Variants in LOXL2 observed in about 807,000 individuals in gnomAD.
LOXL2 encodes lysyl oxidase like 2, also known as lysyl oxidase homolog 2.
Under a neutral mutation model 93.0 loss-of-function variants are expected in LOXL2, and 70 were observed. That is an observed-to-expected ratio of 0.75 (90% CI 0.62 to 0.92). The LOEUF (loss-of-function observed/expected upper bound fraction) is 0.92. LOXL2 is among the 40% of genes least tolerant of loss of function. The pLI is 0.00. For synonymous variants in LOXL2, 438 were observed against 413.2 expected, an observed-to-expected ratio of 1.06 and a Z score of -0.73; for missense variants, 973 against 1,054.9, an observed-to-expected ratio of 0.92 and a Z score of 1.08.
At chr8:23,401,983 C>A (rs1362703321) in intron 1 of LOXL2, among the ~76,000 whole-genome samples, 1 of 152,216 alleles carries the variant, frequency 6.6e-6, no homozygotes, top group Non-Finnish European at 1.5e-5. Context: ...TACAGGGAAG[C>A]AAATGCACAT....
Position 23,297,276 on chromosome 8 carries a change from G to A in LOXL2, c.*767C>T, listed in dbSNP as rs1803046382. On this transcript the variant is annotated 3_prime_UTR_variant, in exon 14 of 14. Transcript: ENST00000389131. ...GAGCGCCCTGTCACCCAGGACCCTG[G>A]TTATAGCACCGTTGAATCAAAAACC... 6.6e-6 allele frequency: 1 copy of A among 152,228 alleles called. No individual in the cohort carries two copies. The highest frequency in any genetic ancestry group is 1.9e-4 in the East Asian group (1 of 5,196). The allele number at this position is 152,228 out of a possible 1,614,324, so 9.4% of individuals were successfully genotyped here.
intron 1 of LOXL2, among the ~76,000 whole-genome samples, chr8:23,403,136 G>C (rs912770735): frequency 1.3e-5 from 2 of 152,154 alleles, no homozygotes; most frequent in Non-Finnish European, 2.9e-5. Context: ...GGTGAGAAGG[G>C]GCGCGGTGGG....
chr8:23,322,184 G>A lies in LOXL2; in HGVS notation c.1248C>T (p.His416=), dbSNP rs144194678. ...TGCATCTCACACCAGCATCCTCCTC[G>A]TGGTTGCAGCCCTGAGACTCGGCAT... The part of the protein sequence containing the change: ...KFNAESQGCN[H]EEDAGVRCNT... Residue 416 remains histidine, a synonymous_variant, in exon 7 of 14, where the codon CAC becomes CAT. Transcript: ENST00000389131. 5.9e-5 allele frequency: 96 copies of A among 1,614,072 alleles called. No individual in the cohort carries two copies. The highest frequency in any genetic ancestry group is 1.8e-4 in the Admixed American group (11 of 60,006).
intron 7 of LOXL2, among the ~76,000 whole-genome samples, chr8:23,321,070 A>C (rs945374761): frequency 4.0e-5 from 3 of 74,950 alleles, no homozygotes; most frequent in Non-Finnish European, 7.0e-5. Context: ...TGTGGGTTTT[A>C]TCTCTCGTCT....
chr8:23,345,405 G>A (rs6557655), intron 3 of LOXL2, among the ~76,000 whole-genome samples: 87,629 of 152,062 alleles, frequency 0.58, 25,780 homozygotes, highest in African/African-American at 0.68. Context: ...CACATTGGAA[G>A]CCCAGCACCC....
chr8:23,331,184 C>A (rs1803669718), intron 5 of LOXL2, among the ~76,000 whole-genome samples: 1 of 152,022 alleles, frequency 6.6e-6, no homozygotes, highest in Non-Finnish European at 1.5e-5. Context: ...AGAGGGGAGA[C>A]CGGGGAGGGG....
intron 4 of LOXL2, among the ~76,000 whole-genome samples, chr8:23,334,911 G>A (rs1803765717): frequency 1.3e-5 from 2 of 151,384 alleles, no homozygotes; most frequent in Admixed American, 1.3e-4. Flanking sequence ...CCACCTCCCA[G>A]GTTCAAGGAA....
intron 1 of LOXL2, among the ~76,000 whole-genome samples, chr8:23,396,955 C>G (rs1800096405): frequency 6.6e-6 from 1 of 152,212 alleles, no homozygotes; most frequent in Non-Finnish European, 1.5e-5. Context: ...GGAAACAACT[C>G]ACATGTCCAC....
At chr8:23,353,360 T>C (rs1386031287) in intron 3 of LOXL2, among the ~76,000 whole-genome samples, 4 of 152,106 alleles carry the variant, frequency 2.6e-5, no homozygotes, top group Admixed American at 2.6e-4. Context: ...CACATTTGCT[T>C]ATTTGCTCCT....
At chr8:23,358,096 A>C (rs1804227826) in intron 3 of LOXL2, among the ~76,000 whole-genome samples, 1 of 152,224 alleles carries the variant, frequency 6.6e-6, no homozygotes, top group South Asian at 2.1e-4. Flanking sequence ...AGGAATGAAG[A>C]TGGAAAATTT....
chr8:23,311,992 CA>C (rs1803325027), intron 9 of LOXL2, among the ~76,000 whole-genome samples: 1 of 152,132 alleles, frequency 6.6e-6, no homozygotes, highest in Non-Finnish European at 1.5e-5. Context: ...TGCCGAAATA[CA>C]AACTACCATC....
At chr8:23,397,095 C>T (rs1800100595) in intron 1 of LOXL2, among the ~76,000 whole-genome samples, 1 of 152,096 alleles carries the variant, frequency 6.6e-6, no homozygotes, top group African/African-American at 2.4e-5. Context: ...GTAAAATGAG[C>T]CAGACACGAA....
intron 1 of LOXL2, among the ~76,000 whole-genome samples, chr8:23,386,928 C>T (rs1260136457): frequency 1.3e-5 from 2 of 152,134 alleles, no homozygotes; most frequent in African/African-American, 4.8e-5. Flanking sequence ...GGATTGCAGG[C>T]ATAAGTCAAG....
intron 1 of LOXL2, among the ~76,000 whole-genome samples, chr8:23,379,851 A>G (rs887621991): frequency 2.7e-4 from 41 of 152,018 alleles, no homozygotes; most frequent in Non-Finnish European, 5.3e-4. Context: ...CCTTCCCTTT[A>G]CTAGGAAAGG....
In LOXL2 at chr8:23,328,391, G is replaced by T; in HGVS notation, c.1141C>A (p.Leu381Met). 6.2e-7 allele frequency: 1 copy of T among 1,613,924 alleles called. No individual in the cohort carries two copies. The highest frequency in any genetic ancestry group is 2.2e-5 in the East Asian group (1 of 44,854). Residue 381 changes from leucine to methionine, a missense_variant, in exon 6 of 14, where the codon CTG becomes ATG. Coordinates refer to ENST00000389131, the MANE Select transcript of LOXL2 (RefSeq NM_002318.3). The part of the protein sequence containing the change: ...SAKEAVTGSR[L>M]GQGIGPIHLN... ...CCTCCCCATTCCTTACCTTGCCCCA[G>T]TCGGGAGCCAGTGACTGCCTCTTTG...
chr8:23,348,276 G>C (rs1804026983), intron 3 of LOXL2, among the ~76,000 whole-genome samples: 1 of 127,084 alleles, frequency 7.9e-6, no homozygotes. Flanking sequence ...GGAGGGGGGA[G>C]GGATAGCACT....
chr8:23,339,869 G>A (rs1803852430), intron 4 of LOXL2, among the ~76,000 whole-genome samples: 1 of 152,178 alleles, frequency 6.6e-6, no homozygotes, highest in African/African-American at 2.4e-5. Flanking sequence ...ACCCATGTGA[G>A]GGGCTGGGGG....
intron 1 of LOXL2, among the ~76,000 whole-genome samples, chr8:23,399,692 C>T (rs1056951443): frequency 2.0e-4 from 31 of 152,112 alleles, no homozygotes; most frequent in African/African-American, 5.1e-4. Flanking sequence ...AATAAACTAC[C>T]GAGTTTCAGG....
chr8:23,311,657 A>G (rs976395959), intron 9 of LOXL2, among the ~76,000 whole-genome samples: 5 of 152,186 alleles, frequency 3.3e-5, no homozygotes, highest in Non-Finnish European at 5.9e-5. Context: ...TCCAGCAGGC[A>G]GCAGAACTCC....
Sources: gnomAD v4.1 joint callset for allele counts (sites outside exome capture counted in the v4.1 genomes callset) on GRCh38, gnomAD v4.1.1 for gene constraint, MANE v1.5 for transcripts, NCBI Gene and HGNC (gene_info 2026-07-23, HGNC 2026-07-21) for gene names.